The following SRSF1 variants were observed in gnomAD, a reference collection of about 807,000 sequenced individuals.
SRSF1 encodes the protein serine/arginine-rich splicing factor 1.
A neutral mutation model predicts 25.9 loss-of-function variants in SRSF1; 1 was observed. The observed-to-expected ratio is 0.04, with a 90% confidence interval of 0.01 to 0.18. The LOEUF (loss-of-function observed/expected upper bound fraction) is 0.18, where lower values mean the gene tolerates loss of function less well. Ranked by LOEUF, SRSF1 falls within the 10% of genes least tolerant of loss-of-function variation. SRSF1 has a pLI of 1.00. For missense variants in SRSF1, 65 were observed against 350.5 expected (o/e 0.19, Z 6.50); for synonymous variants, 132 against 126.2 (o/e 1.05, Z -0.31).
intron 2 of SRSF1, 107 bp from the exon 3 acceptor site, chr17:58,006,080 C>A: frequency 9.2e-7 from 1 of 1,087,280 alleles, no homozygotes; most frequent in Non-Finnish European, 1.3e-6. Flanking sequence ...AATAGGTGTA[C>A]TTAAGTGATA....
chr17:58,006,839 CTCTCTAA>C, intron 1 of SRSF1, 98 bp downstream of exon 1: 1 of 1,377,040 alleles, frequency 7.3e-7, no homozygotes, highest in Non-Finnish European at 1.0e-6. Context: ...TCGCCCCAAC[CTCTCTAA>C]GAGCCCCCGC....
At chr17:58,000,057 A>G (rs142063162), downstream of SRSF1, among the ~76,000 whole-genome samples, 4 of 152,306 alleles carry the variant, frequency 2.6e-5, no homozygotes, top group African/African-American at 9.6e-5. Flanking sequence ...AATGTTGTAA[A>G]TTACAAATGT....
Position 58,005,619 on chromosome 17 carries a change from T to A in SRSF1, c.553-19A>T. 1 of 1,612,690 alleles carries A rather than the reference T, an allele frequency of 6.2e-7. No individual in the cohort carries two copies. The highest frequency in any genetic ancestry group is 8.5e-7 in the Non-Finnish European group (1 of 1,178,822). On this transcript the variant is annotated intron_variant, in intron 3 of 3. Coordinates refer to ENST00000258962, the MANE Select transcript of SRSF1 (RefSeq NM_006924.5). This position sits in a 1 kb window ranked among gnomAD's most constrained non-coding sequence, Gnocchi z 5.2. ...TTTCTCCCTATTGGATAGACAGAACTTTCCATTGAAAGATCTAAGCTTTCA... is the reference window on the plus strand; with the variant it reads ...TTTCTCCCTATTGGATAGACAGAACATTCCATTGAAAGATCTAAGCTTTCA...
At position 58,007,188 on chromosome 17, in the gene SRSF1, G is replaced by A. The variant is rs1430461931; in HGVS notation, c.-51C>T. 1.2e-6 allele frequency: 2 copies of A among 1,601,850 alleles called. No individual in the cohort carries two copies. Among genetic ancestry groups the A allele is most frequent in the Non-Finnish European group, 1.7e-6 (2 of 1,173,160 alleles). On this transcript the variant is annotated 5_prime_UTR_variant, in exon 1 of 4. Transcript: ENST00000258962. Reference sequence around the variant, plus strand: ...AGAACAGGCCTTCCCACCAAGCCTAGCGCACGGCAGAGCGAGCCCGCAGCG... The same window carrying A: ...AGAACAGGCCTTCCCACCAAGCCTAACGCACGGCAGAGCGAGCCCGCAGCG...
At chr17:58,006,097 A>G (rs2075425147) in intron 2 of SRSF1, 124 bp from the exon 3 acceptor site, 3 of 1,015,496 alleles carry the variant, frequency 3.0e-6, no homozygotes, top group South Asian at 3.4e-5. Flanking sequence ...GATACCAGGT[A>G]AAGAGAGCTG....
chr17:57,997,090 CTATT>C (rs540205385), downstream of SRSF1, among the ~76,000 whole-genome samples: 28 of 152,274 alleles, frequency 1.8e-4, no homozygotes, highest in African/African-American at 6.3e-4. Flanking sequence ...TAGGAGGCAA[CTATT>C]TAGTCTTTTT....
chr17:57,990,898 T>G, the SRSF1 span: 13 of 152,224 alleles, frequency 8.5e-5, no homozygotes, highest in Non-Finnish European at 1.6e-4. Context: ...GGGTCTCAGC[T>G]TCCTCATCTG....
At position 58,001,743 on chromosome 17, in the gene SRSF1, T is replaced by C. The variant is rs115810782; in HGVS notation, c.*3663A>G. 1.8e-3 allele frequency among the ~76,000 whole-genome samples: 272 copies of C among 152,344 alleles called. 1 individual carries two copies. The highest frequency in any genetic ancestry group is 6.3e-3 in the African/African-American group (261 of 41,580). On this transcript the variant is annotated 3_prime_UTR_variant, in exon 4 of 4. Transcript: ENST00000258962. ...GATAGAGACCTAAAGGTCCATTTTC[T>C]GAGACTATAAATAGGAGCAGTCCAT...
At position 58,003,165 on chromosome 17, in the gene SRSF1, T is replaced by G. The variant is rs1456450852; in HGVS notation, c.*2241A>C. Among the ~76,000 whole-genome samples, 2 of 152,154 alleles carry G rather than the reference T, an allele frequency of 1.3e-5. No individual in the cohort carries two copies. The highest frequency in any genetic ancestry group is 2.9e-5 in the Non-Finnish European group (2 of 68,012). On this transcript the variant is annotated 3_prime_UTR_variant, in exon 4 of 4. Transcript: ENST00000258962. Reference sequence around the variant, plus strand: ...TTTGCACAAAAGCCTATGTTGTCTATGACCACCAGAAAATAAGCAGCATCT... The same window carrying G: ...TTTGCACAAAAGCCTATGTTGTCTAGGACCACCAGAAAATAAGCAGCATCT...
At position 58,004,692 on chromosome 17, in the gene SRSF1, T is replaced by C. The variant is rs2075415158; in HGVS notation, c.*714A>G. 1 of 309,874 alleles carries C rather than the reference T, an allele frequency of 3.2e-6. No individual in the cohort carries two copies. The highest frequency in any genetic ancestry group is 2.1e-5 in the African/African-American group (1 of 46,798). 19.2% of individuals were successfully genotyped at this position (309,874 alleles called of 1,614,324 possible). On this transcript the variant is annotated 3_prime_UTR_variant, in exon 4 of 4. Coordinates refer to ENST00000258962, the MANE Select transcript of SRSF1 (RefSeq NM_006924.5). ...CCAGTTCTTCCCACATTAGTCCCTA[T>C]TAAAACAAAAATGGGGGGAAGGGAG...
chr17:57,997,332 C>T (rs2075369202), downstream of SRSF1, among the ~76,000 whole-genome samples: 2 of 152,148 alleles, frequency 1.3e-5, no homozygotes, highest in African/African-American at 4.8e-5. Flanking sequence ...TCCAATAATC[C>T]ACCCAGTTAA....
chr17:57,995,942 A>G (rs572352362), downstream of SRSF1, among the ~76,000 whole-genome samples: 37 of 152,244 alleles, frequency 2.4e-4, no homozygotes, highest in African/African-American at 8.7e-4. Flanking sequence ...CAGGAGTTCA[A>G]AAAGTCTGAG....
At chr17:57,996,241 T>A (rs551394961), downstream of SRSF1, among the ~76,000 whole-genome samples, 1 of 152,076 alleles carries the variant, frequency 6.6e-6, no homozygotes, top group African/African-American at 2.4e-5. Flanking sequence ...TCCCAGCACT[T>A]TGGGAGGCCG....
Position 58,003,278 on chromosome 17 carries a change from TAC to T in SRSF1, c.*2126_*2127del, listed in dbSNP as rs2075405232. The T allele has an allele frequency of 6.6e-6, 1 of 152,234 alleles. No homozygotes were observed. Among genetic ancestry groups the T allele is most frequent in the African/African-American group, 2.4e-5 (1 of 41,460 alleles). 9.4% of individuals were successfully genotyped at this position (152,234 alleles called of 1,614,324 possible). ...CCCCACCGTCATTTACCAAGTTACA[TAC>T]ACAAATGCCTTATTCTCCCCTTTTG... On this transcript the variant is annotated 3_prime_UTR_variant, in exon 4 of 4. Transcript: ENST00000258962.
At chr17:58,006,220 C>G in intron 2 of SRSF1, 123 bp downstream of exon 2, 3 of 1,292,698 alleles carry the variant, frequency 2.3e-6, no homozygotes, top group Non-Finnish European at 3.2e-6. Flanking sequence ...TAAATTCACC[C>G]AAAAACTAAA....
At chr17:57,989,421 G>C in the SRSF1 span, 14 of 397,596 alleles carry the variant, frequency 3.5e-5, no homozygotes, top group Non-Finnish European at 6.2e-5. Flanking sequence ...ATTATTTTAA[G>C]ACTTTAACAT....
At position 58,005,253 on chromosome 17, in the gene SRSF1, T is replaced by C; in HGVS notation, c.*153A>G. The C allele has an allele frequency of 1.4e-6, 1 of 739,322 alleles. No individual in the cohort carries two copies. Among genetic ancestry groups the C allele is most frequent in the Non-Finnish European group, 2.2e-6 (1 of 453,466 alleles). The allele number at this position is 739,322 out of a possible 1,614,324, so 45.8% of individuals were successfully genotyped here. A position where few individuals can be genotyped will look rare whatever the true frequency, so the allele number is the denominator to read the frequency against. ...ATTTATCAAAGACACGAAGGGAATG[T>C]AGATGTTAGGAGCAAGGGGATATTA... On this transcript the variant is annotated 3_prime_UTR_variant, in exon 4 of 4. Transcript: ENST00000258962. The surrounding 1 kb of genome is among the most constrained non-coding windows in gnomAD (Gnocchi z 5.2).
At position 58,001,744 on chromosome 17, in the gene SRSF1, G is replaced by C. The variant is rs2075392478; in HGVS notation, c.*3662C>G. Among the ~76,000 whole-genome samples, 1 of 152,186 alleles carries C rather than the reference G, an allele frequency of 6.6e-6. No homozygotes were observed. The highest frequency in any genetic ancestry group is 1.5e-5 in the Non-Finnish European group (1 of 68,010). ...ATAGAGACCTAAAGGTCCATTTTCT[G>C]AGACTATAAATAGGAGCAGTCCATA... is the stretch of plus-strand genomic sequence containing the variant. On this transcript the variant is annotated 3_prime_UTR_variant, in exon 4 of 4. Coordinates refer to ENST00000258962, the MANE Select transcript of SRSF1 (RefSeq NM_006924.5).
rs1187478083 is a variant in SRSF1, at chr17:58,003,370, A to C, written c.*2036T>G. 1 of 152,244 alleles carries C rather than the reference A, an allele frequency of 6.6e-6. No individual in the cohort carries two copies. The highest frequency in any genetic ancestry group is 2.1e-4 in the South Asian group (1 of 4,834). The allele number at this position is 152,244 out of a possible 1,614,324, so 9.4% of individuals were successfully genotyped here. On this transcript the variant is annotated 3_prime_UTR_variant, in exon 4 of 4. Coordinates refer to ENST00000258962, the MANE Select transcript of SRSF1 (RefSeq NM_006924.5). ...GCTAATACCATTAGATTGCCTTTTAAGAACTTTTAATTTGCTAACACATTA... is the reference window on the plus strand; with the variant it reads ...GCTAATACCATTAGATTGCCTTTTACGAACTTTTAATTTGCTAACACATTA...
Sources: gnomAD v4.1 joint callset for allele counts (sites outside exome capture counted in the v4.1 genomes callset) on GRCh38, gnomAD v4.1.1 for gene constraint, Gnocchi (gnomAD v3.1) non-coding constraint, MANE v1.5 for transcripts, NCBI Gene and HGNC (gene_info 2026-07-23, HGNC 2026-07-21) for gene names.